Variants in STAG1 observed in about 807,000 individuals in gnomAD.
STAG1 encodes cohesin subunit SA-1.
In STAG1, 26 loss-of-function variants were observed where a neutral mutation model predicts 170.9. The observed-to-expected ratio is 0.15, with a 90% CI of 0.11 to 0.21. The LOEUF (loss-of-function observed/expected upper bound fraction) is 0.21, where lower values mean the gene tolerates loss of function less well. Ranked by LOEUF, STAG1 falls within the 10% of genes least tolerant of loss-of-function variation. The pLI, the probability that STAG1 is intolerant of heterozygous loss-of-function variation, is 1.00. For synonymous variants in STAG1, 514 were observed against 497.7 expected (o/e 1.03, Z -0.44); for missense variants, 964 against 1,509.5 (o/e 0.64, Z 5.99).
intron 1 of STAG1, chr3:136,737,114 C>G (rs59361983): frequency 0.08 from 69,149 of 860,950 alleles, 3,127 homozygotes; most frequent in Non-Finnish European, 0.094. Context: ...GTCTTTCAAT[C>G]TGATTTTTTC....
At chr3:136,405,258 T>TTC (rs1553803596) in intron 21 of STAG1, among the ~76,000 whole-genome samples, 11 of 115,702 alleles carry the variant, frequency 9.5e-5, no homozygotes, top group African/African-American at 3.4e-4. Context: ...TTTTTTTTTT[T>TTC]TCAGACGAAG....
chr3:136,487,509 C>CT (rs2090041218), intron 9 of STAG1, among the ~76,000 whole-genome samples: 1 of 152,148 alleles, frequency 6.6e-6, no homozygotes, highest in African/African-American at 2.4e-5. Context: ...TGTAAATATC[C>CT]TTTTCCAGAC....
intron 1 of STAG1, among the ~76,000 whole-genome samples, chr3:136,662,675 G>T (rs903326502): frequency 6.6e-6 from 1 of 151,910 alleles, no homozygotes; most frequent in Non-Finnish European, 1.5e-5. Flanking sequence ...AGATTCCAGG[G>T]CTCAAGCGAG....
At chr3:136,439,203 A>G (rs1275583925) in intron 15 of STAG1, among the ~76,000 whole-genome samples, 23 of 64,922 alleles carry the variant, frequency 3.5e-4, no homozygotes, top group African/African-American at 1.2e-3. Flanking sequence ...TCAAAAAAAA[A>G]AAAAAAAAAA....
chr3:136,485,344 C>G (rs1429473836), intron 9 of STAG1, among the ~76,000 whole-genome samples: 1 of 152,026 alleles, frequency 6.6e-6, no homozygotes, highest in Non-Finnish European at 1.5e-5. Context: ...GTAGTCCCAG[C>G]TACTCGAGAG....
intron 20 of STAG1, 123 bp downstream of exon 20, chr3:136,420,970 G>A: frequency 1.9e-6 from 1 of 536,472 alleles, no homozygotes; most frequent in Non-Finnish European, 3.3e-6. Context: ...TGTACAGACA[G>A]GGTTTCGCCA....
At chr3:136,362,004 G>A (rs1424395139) in intron 26 of STAG1, among the ~76,000 whole-genome samples, 4 of 151,890 alleles carry the variant, frequency 2.6e-5, no homozygotes, top group Non-Finnish European at 5.9e-5. Context: ...GGCCCAGGCT[G>A]GAGTGCAATG....
chr3:136,393,046 A>G (rs1023762403), intron 22 of STAG1, among the ~76,000 whole-genome samples: 5 of 152,208 alleles, frequency 3.3e-5, no homozygotes, highest in African/African-American at 7.2e-5. Flanking sequence ...AGAAAAACAA[A>G]TAATGGTTGG....
chr3:136,455,430 G>T lies in STAG1; in HGVS notation c.1314-3283C>A, dbSNP rs146188772. ...GAATTTCCCTAGACCCATGATTCTG[G>T]TAAGAGGGAATTAGAAGTGGAAAAT... On this transcript the variant is annotated intron_variant, in intron 13 of 33. Coordinates refer to ENST00000383202, the MANE Select transcript of STAG1 (RefSeq NM_005862.3). Among the ~76,000 whole-genome samples, 11 of 152,276 alleles carry T rather than the reference G, an allele frequency of 7.2e-5. No homozygotes were observed. In the East Asian group the frequency reaches 1.9e-3, roughly 27 times the overall value.
rs183012309 is a variant in STAG1, at chr3:136,607,435, C to T, written c.133-2962G>A. Among the ~76,000 whole-genome samples, 1,068 of 152,266 alleles carry T rather than the reference C, an allele frequency of 7.0e-3. 14 individuals carry two copies. The highest frequency in any genetic ancestry group is 0.024 in the African/African-American group (987 of 41,558). The stretch of plus-strand genomic sequence containing the variant: ...TTTTCTTTTTGGAGACAGATTCTCT[C>T]TTTGTTGCTCAGGCTGGAGTGCGGT... On this transcript the variant is annotated intron_variant, in intron 3 of 33. Coordinates refer to ENST00000383202, the MANE Select transcript of STAG1 (RefSeq NM_005862.3).
rs372707522 is a variant in STAG1 at position 136,369,067 on chromosome 3, T to TA, written c.2545+40dup. 1.0e-3 allele frequency: 1,415 copies of TA among 1,377,904 alleles called. 1 individual carries two copies. The highest frequency in any genetic ancestry group is 3.7e-3 in the East Asian group (138 of 37,184). The allele number at this position is 1,377,904 out of a possible 1,614,324, so 85.4% of individuals were successfully genotyped here. A position where few individuals can be genotyped will look rare whatever the true frequency, so the allele number is the denominator to read the frequency against. On this transcript the variant is annotated intron_variant, in intron 24 of 33. Coordinates refer to ENST00000383202, the MANE Select transcript of STAG1 (RefSeq NM_005862.3). ...CTTTTCTCCTATCTTTTGGGGTTGG[T>TA]AAAAAAAAATCAATATTGACAAGAT...
chr3:136,412,197 A>G (rs2087643240), intron 21 of STAG1, among the ~76,000 whole-genome samples: 1 of 152,122 alleles, frequency 6.6e-6, no homozygotes, highest in African/African-American at 2.4e-5. Flanking sequence ...AGTGATACCA[A>G]TTTTTTTTAA....
At chr3:136,348,887 T>C (rs1363384351) in intron 29 of STAG1, 3 of 448,524 alleles carry the variant, frequency 6.7e-6, no homozygotes, top group South Asian at 4.6e-5. Flanking sequence ...TAGAGGCATA[T>C]AGTATGGGGA....
At chr3:136,483,804 C>T (rs2089941474) in intron 9 of STAG1, among the ~76,000 whole-genome samples, 1 of 332 alleles carries the variant, frequency 3.0e-3, no homozygotes, top group African/African-American at 0.022. Flanking sequence ...CTCTAAACTT[C>T]CCTTCTCGCT....
At chr3:136,484,935 T>A (rs2107834636) in intron 9 of STAG1, among the ~76,000 whole-genome samples, 1 of 152,096 alleles carries the variant, frequency 6.6e-6, no homozygotes, top group South Asian at 2.1e-4. Context: ...CTGCTTCGGC[T>A]CGCGCACGGT....
intron 25 of STAG1, 99 bp downstream of exon 25, chr3:136,366,844 G>C (rs559561573): frequency 3.1e-6 from 3 of 952,574 alleles, no homozygotes; most frequent in African/African-American, 3.3e-5. Context: ...ACATTACATA[G>C]GTGAAAAGCT....
chr3:136,567,379 A>T (rs1016404076), intron 5 of STAG1, among the ~76,000 whole-genome samples: 2 of 152,236 alleles, frequency 1.3e-5, no homozygotes, highest in Non-Finnish European at 2.9e-5. Flanking sequence ...ATTCAGCCAC[A>T]GAATCCTCTA....
At chr3:136,493,549 G>A (rs2090159755) in intron 9 of STAG1, among the ~76,000 whole-genome samples, 1 of 151,678 alleles carries the variant, frequency 6.6e-6, no homozygotes, top group Admixed American at 6.6e-5. Context: ...CAACTACTCA[G>A]GGGGCTGAGG....
At chr3:136,739,530 AAAAG>A (rs1467741317) in intron 1 of STAG1, among the ~76,000 whole-genome samples, 1 of 150,982 alleles carries the variant, frequency 6.6e-6, no homozygotes, top group Non-Finnish European at 1.5e-5. Context: ...GAAAAAAAAA[AAAAG>A]AAAGGCTAGG....
Sources: gnomAD v4.1 joint callset for allele counts (sites outside exome capture counted in the v4.1 genomes callset) on GRCh38, gnomAD v4.1.1 for gene constraint, MANE v1.5 for transcripts, NCBI Gene and HGNC (gene_info 2026-07-23, HGNC 2026-07-21) for gene names.